IQCM: variants seen among roughly 807,000 people sequenced by gnomAD.
IQCM encodes IQ motif containing M.
Under a neutral mutation model 57.6 loss-of-function variants are expected in IQCM, and 45 were observed. The observed-to-expected ratio is 0.78, with a 90% CI of 0.62 to 1.00. IQCM has a LOEUF of 1.00. Ranked by LOEUF, IQCM falls within the 50% of genes least tolerant of loss-of-function variation. The pLI is 0.00. For missense variants in IQCM, 468 were observed against 511.6 expected (o/e 0.91, Z 0.82); for synonymous variants, 148 against 158.9 (o/e 0.93, Z 0.51).
intron 12 of IQCM, among the ~76,000 whole-genome samples, chr4:149,468,797 A>G (rs1321218794): frequency 6.6e-6 from 1 of 152,232 alleles, no homozygotes; most frequent in Admixed American, 6.5e-5. Flanking sequence ...AGGATCAGGC[A>G]GCAACATTTG....
chr4:149,664,601 G>A (rs1490162911), intron 7 of IQCM, among the ~76,000 whole-genome samples: 1 of 152,116 alleles, frequency 6.6e-6, no homozygotes, highest in Non-Finnish European at 1.5e-5. Context: ...TGGCTAAGAT[G>A]TGAGAGTTTG....
intron 9 of IQCM, among the ~76,000 whole-genome samples, chr4:149,567,902 G>T (rs1750784151): frequency 6.6e-6 from 1 of 151,994 alleles, no homozygotes; most frequent in Non-Finnish European, 1.5e-5. Flanking sequence ...TAGGACCATT[G>T]GCTCAAAAGC....
intron 2 of IQCM, among the ~76,000 whole-genome samples, chr4:149,758,068 A>T (rs904059653): frequency 6.6e-6 from 1 of 152,214 alleles, no homozygotes; most frequent in African/African-American, 2.4e-5. Flanking sequence ...GTAAAAGAAT[A>T]GAAAAATAGA....
chr4:149,713,825 C>A (rs1764763661), intron 5 of IQCM, among the ~76,000 whole-genome samples: 1 of 152,104 alleles, frequency 6.6e-6, no homozygotes, highest in African/African-American at 2.4e-5. Flanking sequence ...GATACTGTTC[C>A]AGCAATTCTT....
intron 12 of IQCM, among the ~76,000 whole-genome samples, chr4:149,517,040 C>T (rs1274504459): frequency 7.1e-6 from 1 of 141,720 alleles, no homozygotes; most frequent in Non-Finnish European, 1.5e-5. Context: ...CAATGGGAAA[C>T]TACAACATCC....
intron 8 of IQCM, among the ~76,000 whole-genome samples, chr4:149,591,460 T>TC (rs1191471054): frequency 6.6e-6 from 1 of 152,128 alleles, no homozygotes; most frequent in Admixed American, 6.5e-5. Context: ...TAAAGGTTTT[T>TC]TTTTTTAATA....
At chr4:149,815,204 G>C (rs1239047719) in intron 2 of IQCM, 107 bp downstream of exon 2, 2 of 151,884 alleles carry the variant, frequency 1.3e-5, no homozygotes, top group Non-Finnish European at 2.9e-5. Context: ...GGGGGGTATA[G>C]TTTATAACTG....
At chr4:149,806,830 TA>T (rs1488761587) in intron 2 of IQCM, among the ~76,000 whole-genome samples, 1 of 151,782 alleles carries the variant, frequency 6.6e-6, no homozygotes, top group Non-Finnish European at 1.5e-5. Context: ...TATGAGAGCT[TA>T]AAAAACATAC....
chr4:149,536,518 A>C (rs1441973738), intron 12 of IQCM, among the ~76,000 whole-genome samples: 10 of 151,942 alleles, frequency 6.6e-5, no homozygotes, highest in Admixed American at 6.6e-4. Flanking sequence ...CCTACCCTCT[A>C]TCTAAGGAAC....
intron 12 of IQCM, among the ~76,000 whole-genome samples, chr4:149,454,766 G>T (rs1179330361): frequency 1.3e-5 from 2 of 152,010 alleles, no homozygotes; most frequent in Non-Finnish European, 2.9e-5. Flanking sequence ...CCTCATGTAT[G>T]ATTCCATTTA....
intron 5 of IQCM, among the ~76,000 whole-genome samples, chr4:149,695,814 T>C (rs1217240231): frequency 6.6e-6 from 1 of 152,084 alleles, no homozygotes; most frequent in African/African-American, 2.4e-5. Flanking sequence ...TGGCTATTAA[T>C]AAGTTTCCAG....
chr4:149,757,397 G>A (rs976435411), intron 2 of IQCM, among the ~76,000 whole-genome samples: 1 of 151,956 alleles, frequency 6.6e-6, no homozygotes, highest in East Asian at 1.9e-4. Flanking sequence ...CATATCAATA[G>A]AGATTATCAA....
chr4:149,391,729 T>C (rs936408970), intron 13 of IQCM, among the ~76,000 whole-genome samples: 2 of 152,168 alleles, frequency 1.3e-5, no homozygotes, highest in Non-Finnish European at 2.9e-5. Flanking sequence ...AATTTCTTCT[T>C]TGATTCATTG....
At chr4:149,706,914 T>C (rs1764203907) in intron 5 of IQCM, among the ~76,000 whole-genome samples, 1 of 151,968 alleles carries the variant, frequency 6.6e-6, no homozygotes. Context: ...AGTTCTAAGA[T>C]AACAGGCAAT....
intron 12 of IQCM, among the ~76,000 whole-genome samples, chr4:149,500,517 C>T (rs1743130448): frequency 6.6e-6 from 1 of 152,138 alleles, no homozygotes; most frequent in African/African-American, 2.4e-5. Flanking sequence ...GATATGAACA[C>T]ATCCTACCTT....
At chr4:149,407,713 A>G (rs1733085191) in intron 13 of IQCM, among the ~76,000 whole-genome samples, 1 of 152,160 alleles carries the variant, frequency 6.6e-6, no homozygotes, top group South Asian at 2.1e-4. Flanking sequence ...TTAATGCAAT[A>G]ATCTTTGGAT....
At chr4:149,456,524 T>C (rs1737719678) in intron 12 of IQCM, among the ~76,000 whole-genome samples, 1 of 152,082 alleles carries the variant, frequency 6.6e-6, no homozygotes, top group African/African-American at 2.4e-5. Context: ...ATTTTGTGAC[T>C]GAAACAAAGT....
chr4:149,429,766 T>C (rs1734694855), intron 13 of IQCM, among the ~76,000 whole-genome samples: 1 of 151,930 alleles, frequency 6.6e-6, no homozygotes, highest in Admixed American at 6.6e-5. Flanking sequence ...TGTAATAGAC[T>C]AATCTTTTTC....
chr4:149,527,102 C>A (rs1224258538), intron 12 of IQCM, among the ~76,000 whole-genome samples: 1 of 152,136 alleles, frequency 6.6e-6, no homozygotes, highest in Non-Finnish European at 1.5e-5. Context: ...TATCAACTTG[C>A]TATAAAAATA....
Sources: gnomAD v4.1 joint callset for allele counts (sites outside exome capture counted in the v4.1 genomes callset) on GRCh38, gnomAD v4.1.1 for gene constraint, MANE v1.5 for transcripts, NCBI Gene and HGNC (gene_info 2026-07-23, HGNC 2026-07-21) for gene names.